POU6F2: variants seen among roughly 807,000 people sequenced by gnomAD.
POU6F2 encodes POU class 6 homeobox 2.
In POU6F2, 31 loss-of-function variants were observed where a neutral mutation model predicts 71.3. The ratio of observed to expected loss-of-function variants is 0.43; its 90% confidence interval spans 0.33 to 0.59. The LOEUF (loss-of-function observed/expected upper bound fraction) is 0.59. POU6F2 is among the 20% of genes least tolerant of loss of function. POU6F2 has a pLI of 0.04. For missense variants in POU6F2, 783 were observed against 856.8 expected (o/e 0.91, Z 1.07); for synonymous variants, 347 against 355.7 (o/e 0.98, Z 0.27).
At chr7:38,990,650 G>A (rs908459532) in intron 1 of POU6F2, among the ~76,000 whole-genome samples, 4 of 152,032 alleles carry the variant, frequency 2.6e-5, no homozygotes, top group Non-Finnish European at 2.9e-5. Flanking sequence ...TAGAGACAGC[G>A]TTGTTCTTTT....
intron 4 of POU6F2, among the ~76,000 whole-genome samples, chr7:39,244,251 AG>A (rs534135127): frequency 1.4e-4 from 22 of 152,314 alleles, no homozygotes; most frequent in Middle Eastern, 3.4e-3. Flanking sequence ...GCATATTTTA[AG>A]GTGCTTCTAA....
At chr7:39,360,562 G>GGTCCAGAT (rs1786358547) in intron 5 of POU6F2, among the ~76,000 whole-genome samples, 1 of 152,132 alleles carries the variant, frequency 6.6e-6, no homozygotes, top group Non-Finnish European at 1.5e-5. Flanking sequence ...ACCAGAAAGG[G>GGTCCAGAT]GTCCAGATCC....
chr7:39,444,768 CCT>C (rs1788484941), intron 7 of POU6F2, among the ~76,000 whole-genome samples: 1 of 152,142 alleles, frequency 6.6e-6, no homozygotes, highest in Admixed American at 6.5e-5. Context: ...CTTCAGAGGC[CCT>C]GTTTTCTTTC....
chr7:38,991,683 T>C (rs1788606900), intron 1 of POU6F2, among the ~76,000 whole-genome samples: 1 of 152,146 alleles, frequency 6.6e-6, no homozygotes, highest in African/African-American at 2.4e-5. Flanking sequence ...GACAATTCCT[T>C]CCAGCCAATT....
chr7:39,311,963 A>G (rs1785174367), intron 4 of POU6F2, among the ~76,000 whole-genome samples: 1 of 152,258 alleles, frequency 6.6e-6, no homozygotes, highest in South Asian at 2.1e-4. Flanking sequence ...CCAGAATAAC[A>G]TGATTAGAGA....
At chr7:39,308,544 A>C (rs909756476) in intron 4 of POU6F2, among the ~76,000 whole-genome samples, 1 of 152,214 alleles carries the variant, frequency 6.6e-6, no homozygotes, top group Non-Finnish European at 1.5e-5. Context: ...TGTGAGTAAG[A>C]ATTGAGCTCA....
At chr7:39,262,438 T>C (rs1311833674) in intron 4 of POU6F2, among the ~76,000 whole-genome samples, 3 of 152,218 alleles carry the variant, frequency 2.0e-5, no homozygotes, top group Non-Finnish European at 4.4e-5. Flanking sequence ...CAGAGCCTGA[T>C]TTTGTAAAAG....
chr7:39,194,393 C>T (rs958422462), intron 2 of POU6F2, among the ~76,000 whole-genome samples: 6 of 152,196 alleles, frequency 3.9e-5, no homozygotes, highest in African/African-American at 1.4e-4. Flanking sequence ...GAGGTGAAGC[C>T]AGCTGGGCTT....
At chr7:38,983,585 C>G (rs549224005) in intron 1 of POU6F2, among the ~76,000 whole-genome samples, 1 of 152,004 alleles carries the variant, frequency 6.6e-6, no homozygotes, top group Non-Finnish European at 1.5e-5. Flanking sequence ...GAAGCGGTTG[C>G]GAGTGAAACA....
Position 39,368,879 on chromosome 7 carries a change from G to A in POU6F2, c.972+28864G>A, listed in dbSNP as rs146631717. Among the ~76,000 whole-genome samples, 328 of 152,294 alleles carry A rather than the reference G, an allele frequency of 2.2e-3. 2 individuals are homozygous for A. Among genetic ancestry groups the A allele is most frequent in the African/African-American group, 7.4e-3 (309 of 41,564 alleles). ...CAACACTAAGGGGAGTTTGAAAGAA[G>A]TTGATTCCAACCTTCATGAATGACT... On this transcript the variant is annotated intron_variant, in intron 5 of 9. Coordinates refer to ENST00000518318, the MANE Select transcript of POU6F2 (RefSeq NM_001370959.1).
intron 4 of POU6F2, among the ~76,000 whole-genome samples, chr7:39,251,103 G>T (rs868569726): frequency 6.6e-6 from 1 of 152,112 alleles, no homozygotes. Flanking sequence ...ATCTAAACAC[G>T]ATTTGGTTTA....
At position 39,295,530 on chromosome 7, in the gene POU6F2, C is replaced by T. The variant is rs372778537; in HGVS notation, c.599-44112C>T. 1.8e-4 allele frequency among the ~76,000 whole-genome samples: 27 copies of T among 152,282 alleles called. No homozygotes were observed. In the East Asian group the frequency reaches 2.7e-3, roughly 15 times the overall value. ...ACTGGGGAGGCTGAGGCAGGAGAATCGCTTGAACCTGGGAGGTGGAGGTTG... is the reference window on the plus strand; with the variant it reads ...ACTGGGGAGGCTGAGGCAGGAGAATTGCTTGAACCTGGGAGGTGGAGGTTG... On this transcript the variant is annotated intron_variant, in intron 4 of 9. Transcript: ENST00000518318.
chr7:39,151,723 A>C (rs1005295193), intron 2 of POU6F2, among the ~76,000 whole-genome samples: 3 of 152,176 alleles, frequency 2.0e-5, no homozygotes, highest in Non-Finnish European at 4.4e-5. Flanking sequence ...TTAAAATGCC[A>C]TGTCAGGGCA....
chr7:39,420,852 TC>T (rs1379055971), intron 6 of POU6F2, among the ~76,000 whole-genome samples: 1 of 152,166 alleles, frequency 6.6e-6, no homozygotes, highest in East Asian at 1.9e-4. Context: ...ATGCCAAAAT[TC>T]ATGCTATCAG....
chr7:39,454,704 ATATATATATATATATATAT>A (rs1788753914), intron 8 of POU6F2, among the ~76,000 whole-genome samples: 4 of 68,536 alleles, frequency 5.8e-5, no homozygotes, highest in African/African-American at 1.9e-4. Flanking sequence ...ATATATATAT[ATATATATATATATATATAT>A]ATATAAAATA....
chr7:39,122,742 C>T (rs1326932390), intron 2 of POU6F2, among the ~76,000 whole-genome samples: 1 of 136,336 alleles, frequency 7.3e-6, no homozygotes, highest in Non-Finnish European at 1.5e-5. Flanking sequence ...GAATCTTACT[C>T]TGTGGTCCAG....
chr7:39,406,436 C>G (rs1216816133), intron 5 of POU6F2, 164 bp from the exon 6 acceptor site: 1 of 727,186 alleles, frequency 1.4e-6, no homozygotes, highest in Non-Finnish European at 2.2e-6. Context: ...ATCCCCCTAC[C>G]CCAGAGCTTC....
chr7:39,003,583 C>A (rs867329265), intron 1 of POU6F2, among the ~76,000 whole-genome samples: 325 of 128,090 alleles, frequency 2.5e-3, no homozygotes, highest in Non-Finnish European at 3.0e-3. Context: ...ACTAAAAATA[C>A]AAAAAAAAAA....
At chr7:39,343,859 T>C (rs2329391) in intron 5 of POU6F2, among the ~76,000 whole-genome samples, 86,188 of 151,952 alleles carry the variant, frequency 0.57, 24,641 homozygotes, top group East Asian at 0.74. Flanking sequence ...ATTGAAAACT[T>C]GATGGTCCTG....
Sources: allele counts gnomAD v4.1 joint callset (sites outside exome capture counted in the v4.1 genomes callset), GRCh38; gene constraint gnomAD v4.1.1; transcripts MANE v1.5; gene names NCBI Gene and HGNC (gene_info 2026-07-23, HGNC 2026-07-21).